Variants in PAK2 observed in about 807,000 individuals in gnomAD.
PAK2 encodes serine/threonine-protein kinase PAK 2.
In PAK2, 21 loss-of-function variants were observed where a neutral mutation model predicts 65.9. The observed-to-expected ratio is 0.32, with a 90% CI of 0.23 to 0.46. The LOEUF (loss-of-function observed/expected upper bound fraction) is 0.46. Among genes scored for constraint, PAK2 ranks in the 20% least tolerant of loss-of-function variants. The pLI is 1.00. For missense variants in PAK2, 324 were observed against 642.6 expected, an observed-to-expected ratio of 0.50 and a Z score of 5.36; for synonymous variants, 204 against 219.7, an observed-to-expected ratio of 0.93 and a Z score of 0.63.
intron 10 of PAK2, among the ~76,000 whole-genome samples, chr3:196,814,005 C>G (rs534989215): frequency 6.6e-6 from 1 of 152,254 alleles, no homozygotes; most frequent in East Asian, 1.9e-4. Flanking sequence ...TTTAAAATAA[C>G]ATTTCAAGTC....
chr3:196,768,825 C>T (rs1206026102), intron 1 of PAK2, among the ~76,000 whole-genome samples: 1 of 151,792 alleles, frequency 6.6e-6, no homozygotes, highest in Non-Finnish European at 1.5e-5. Context: ...CTCATCATGC[C>T]CAGCTAATTT....
At position 196,751,696 on chromosome 3, in the gene PAK2, A is replaced by AAAAATTACC. The variant is rs373145395; in HGVS notation, c.-22+11539_-22+11540insAAAATTACC. Among the ~76,000 whole-genome samples, 97 of 72,650 alleles carry AAAAATTACC rather than the reference A, an allele frequency of 1.3e-3. 10 individuals carry two copies. The highest frequency in any genetic ancestry group is 5.8e-3 in the African/African-American group (87 of 14,872). The allele number at this position is 72,650 out of a possible 152,430, so 47.7% of individuals were successfully genotyped here. On this transcript the variant is annotated intron_variant, in intron 1 of 14. Transcript: ENST00000327134. ...ATACATATATATATATATATATATAATTCAGGCTATATATAAAAGGCATTT... is the reference window on the plus strand; with the variant it reads ...ATACATATATATATATATATATATAAAAAATTACCTTCAGGCTATATATAAAAGGCATTT...
chr3:196,825,105 G>A (rs1711791739), intron 13 of PAK2, among the ~76,000 whole-genome samples: 1 of 152,174 alleles, frequency 6.6e-6, no homozygotes, highest in African/African-American at 2.4e-5. Flanking sequence ...CAGCACTTTG[G>A]GAGGCCAAGG....
At chr3:196,818,371 T>A (rs1439746125) in intron 12 of PAK2, among the ~76,000 whole-genome samples, 1 of 152,162 alleles carries the variant, frequency 6.6e-6, no homozygotes, top group Admixed American at 6.6e-5. Flanking sequence ...TACCACTAGA[T>A]AAGACATTAT....
At chr3:196,759,489 GTTTTTT>G (rs1418582155) in intron 1 of PAK2, among the ~76,000 whole-genome samples, 7 of 98,854 alleles carry the variant, frequency 7.1e-5, no homozygotes, top group African/African-American at 3.0e-4. Flanking sequence ...CAGTTAAGTG[GTTTTTT>G]TTGTTTTTTT....
At chr3:196,777,343 A>AC (rs1714569071) in intron 1 of PAK2, among the ~76,000 whole-genome samples, 1 of 152,106 alleles carries the variant, frequency 6.6e-6, no homozygotes, top group African/African-American at 2.4e-5. Flanking sequence ...AGCTGGGACT[A>AC]CAGACACGCG....
At chr3:196,755,242 A>G (rs1713729431) in intron 1 of PAK2, among the ~76,000 whole-genome samples, 1 of 152,168 alleles carries the variant, frequency 6.6e-6, no homozygotes, top group African/African-American at 2.4e-5. Context: ...TTAATAAAAG[A>G]TTTTACCTCA....
In PAK2 at chr3:196,761,822, C is replaced by A. The variant is rs1161882950; in HGVS notation, c.-21-20804C>A. 3.3e-3 allele frequency among the ~76,000 whole-genome samples: 362 copies of A among 110,984 alleles called. 4 individuals are homozygous for A. Among genetic ancestry groups the A allele is most frequent in the African/African-American group, 0.012 (341 of 28,914 alleles). The allele number at this position is 110,984 out of a possible 152,430, so 72.8% of individuals were successfully genotyped here. Reference sequence around the variant, plus strand: ...CTCCCTCCCGGATGGGGCGGCTGGCCGGGCGGGGGGCTGACCCCCCCCCAC... The same window carrying A: ...CTCCCTCCCGGATGGGGCGGCTGGCAGGGCGGGGGGCTGACCCCCCCCCAC... On this transcript the variant is annotated intron_variant, in intron 1 of 14. Coordinates refer to ENST00000327134, the MANE Select transcript of PAK2 (RefSeq NM_002577.4).
intron 1 of PAK2, among the ~76,000 whole-genome samples, chr3:196,759,058 A>G (rs1484730927): frequency 1.3e-5 from 2 of 152,230 alleles, no homozygotes; most frequent in Non-Finnish European, 2.9e-5. Flanking sequence ...AATAATCCAG[A>G]TGCCTGTCTT....
intron 7 of PAK2, 84 bp from the exon 8 acceptor site, chr3:196,810,506 G>C: frequency 1.3e-6 from 1 of 766,582 alleles, no homozygotes; most frequent in Non-Finnish European, 2.3e-6. Context: ...AAAAACAGTG[G>C]AGTTCATTAA....
intron 14 of PAK2, among the ~76,000 whole-genome samples, chr3:196,828,097 A>G (rs1489253903): frequency 6.6e-6 from 1 of 152,088 alleles, no homozygotes; most frequent in Non-Finnish European, 1.5e-5. Context: ...AGACCTGTTT[A>G]TTGCTGTTGT....
At chr3:196,785,377 G>A (rs1444979401) in intron 2 of PAK2, among the ~76,000 whole-genome samples, 2 of 152,196 alleles carry the variant, frequency 1.3e-5, no homozygotes, top group East Asian at 1.9e-4. Flanking sequence ...GTTACAGGCT[G>A]TTCCCGTGTG....
intron 13 of PAK2, among the ~76,000 whole-genome samples, chr3:196,824,708 C>T (rs140659535): frequency 1.6e-3 from 243 of 151,922 alleles, no homozygotes; most frequent in East Asian, 7.8e-3. Flanking sequence ...CAACTAGGCA[C>T]GGTGGTGCAC....
At chr3:196,749,029 T>C (rs901001842) in intron 1 of PAK2, among the ~76,000 whole-genome samples, 1 of 152,190 alleles carries the variant, frequency 6.6e-6, no homozygotes, top group Non-Finnish European at 1.5e-5. Flanking sequence ...TTGTGACTTA[T>C]TTCACTTATC....
chr3:196,775,368 A>G (rs1429642172), intron 1 of PAK2, among the ~76,000 whole-genome samples: 1 of 151,752 alleles, frequency 6.6e-6, no homozygotes, highest in African/African-American at 2.4e-5. Context: ...AACATTGAAC[A>G]GTAGAAAAAA....
chr3:196,782,917 C>T (rs1714758744), intron 2 of PAK2, 84 bp downstream of exon 2: 2 of 785,118 alleles, frequency 2.5e-6, no homozygotes, highest in Non-Finnish European at 4.1e-6. Flanking sequence ...ATGGTGAGAA[C>T]ATTAAAACAG....
intron 13 of PAK2, among the ~76,000 whole-genome samples, chr3:196,826,521 AT>A (rs555553568): frequency 1.3e-5 from 2 of 150,466 alleles, no homozygotes; most frequent in African/African-American, 2.4e-5. Flanking sequence ...AACAAATCTC[AT>A]TTTTTTTAAT....
intron 13 of PAK2, among the ~76,000 whole-genome samples, chr3:196,822,914 C>T (rs113445357): frequency 6.6e-6 from 1 of 152,098 alleles, no homozygotes; most frequent in African/African-American, 2.4e-5. Context: ...AGCTGGCGTA[C>T]GCTGAGCAAA....
chr3:196,747,283 G>A (rs1455535359), intron 1 of PAK2: 1 of 151,710 alleles, frequency 6.6e-6, no homozygotes, highest in Non-Finnish European at 1.5e-5. Flanking sequence ...ATCGCTCCTC[G>A]GATAGACCTC....
Sources: gnomAD v4.1 joint callset for allele counts (sites outside exome capture counted in the v4.1 genomes callset) on GRCh38, gnomAD v4.1.1 for gene constraint, MANE v1.5 for transcripts, NCBI Gene and HGNC (gene_info 2026-07-23, HGNC 2026-07-21) for gene names.